C21orf91: variants seen among roughly 807,000 people sequenced by gnomAD.
C21orf91 encodes protein EURL homolog.
Under a neutral mutation model 32.9 loss-of-function variants are expected in C21orf91, and 26 were observed. The observed-to-expected ratio is 0.79, with a 90% CI of 0.58 to 1.10. The LOEUF (loss-of-function observed/expected upper bound fraction) is 1.10. Among genes scored for constraint, C21orf91 ranks in the 50% least tolerant of loss-of-function variants. C21orf91 has a pLI of 0.00. For missense variants in C21orf91, 310 were observed against 341.3 expected, an observed-to-expected ratio of 0.91 and a Z score of 0.72; for synonymous variants, 126 against 120.4, an observed-to-expected ratio of 1.05 and a Z score of -0.31.
chr21:17,819,274 G>A (rs550263304), intron 1 of C21orf91, 29 bp downstream of exon 1: 11 of 152,558 alleles, frequency 7.2e-5, no homozygotes, highest in Non-Finnish European at 1.6e-4. Context: ...GGCTCAGGTG[G>A]GATGGGAGCA....
At chr21:17,812,101 T>C (rs1284619121) in intron 2 of C21orf91, among the ~76,000 whole-genome samples, 1 of 152,140 alleles carries the variant, frequency 6.6e-6, no homozygotes, top group Admixed American at 6.5e-5. Flanking sequence ...GCTCCTCATA[T>C]ATGGGTTGTT....
chr21:17,803,022 CCAACCTTTACCTCAAA>C (rs1285016170), intron 2 of C21orf91, among the ~76,000 whole-genome samples: 1 of 152,164 alleles, frequency 6.6e-6, no homozygotes, highest in Non-Finnish European at 1.5e-5. Flanking sequence ...AGCAAGCACT[CCAACCTTTACCTCAAA>C]CTTAGAGCAG....
At chr21:17,815,426 G>T (rs1041579163) in intron 2 of C21orf91, among the ~76,000 whole-genome samples, 3 of 152,050 alleles carry the variant, frequency 2.0e-5, no homozygotes, top group African/African-American at 7.2e-5. Context: ...TTTTTAAAAA[G>T]CCCCTCTTAC....
chr21:17,813,741 C>T (rs938578039), intron 2 of C21orf91: 1 of 152,176 alleles, frequency 6.6e-6, no homozygotes, highest in Non-Finnish European at 1.5e-5. Context: ...CTGAAATGCT[C>T]CAATGAGCAT....
rs1383649335 is a variant in C21orf91 at position 17,791,971 on chromosome 21, TCAA to T, written c.*1441_*1443del. ...TCTTTGCTTAAATACTTTCTTGTGT[TCAA>T]CAACAAAATCTGACCCAAGCCAGGG... On this transcript the variant is annotated 3_prime_UTR_variant, in exon 5 of 5. Transcript: ENST00000284881. 1 of 152,168 alleles carries T rather than the reference TCAA, an allele frequency of 6.6e-6. No homozygotes were observed. The highest frequency in any genetic ancestry group is 1.5e-5 in the Non-Finnish European group (1 of 67,990). 9.4% of individuals were successfully genotyped at this position (152,168 alleles called of 1,614,324 possible). A position where few individuals can be genotyped will look rare whatever the true frequency, so the allele number is the denominator to read the frequency against.
chr21:17,817,273 G>T (rs114210349), intron 2 of C21orf91, among the ~76,000 whole-genome samples: 1 of 151,976 alleles, frequency 6.6e-6, no homozygotes, highest in African/African-American at 2.4e-5. Context: ...GAATTTCAAG[G>T]TATATAATCC....
At chr21:17,816,566 CT>C (rs2062666060) in intron 2 of C21orf91, among the ~76,000 whole-genome samples, 1 of 152,220 alleles carries the variant, frequency 6.6e-6, no homozygotes, top group African/African-American at 2.4e-5. Context: ...GACTGCCAGG[CT>C]TTAAAGTCCA....
At chr21:17,811,239 T>C (rs1261707839) in intron 2 of C21orf91, 3 of 152,186 alleles carry the variant, frequency 2.0e-5, no homozygotes, top group African/African-American at 4.8e-5. Flanking sequence ...TTCATCAAAC[T>C]GGGATAACAC....
rs1568747734 is a variant in C21orf91, at chr21:17,793,514, G to GC, written c.794dup (p.His266ProfsTer13). 1.2e-6 allele frequency: 2 copies of GC among 1,613,648 alleles called. No individual in the cohort carries two copies. On this transcript the variant is annotated frameshift_variant, in exon 5 of 5. Coordinates refer to ENST00000284881, the MANE Select transcript of C21orf91 (RefSeq NM_001100420.2). LOFTEE classifies it high-confidence loss of function. ...TCAGAAGCTGTTCGATGGCAACGTG[G>GC]CGGACATGGAGCTGTGAGGCCAAAG...
At chr21:17,793,650 A>C in intron 4 of C21orf91, 69 bp from the exon 5 acceptor site, 1 of 1,038,552 alleles carries the variant, frequency 9.6e-7, no homozygotes, top group Non-Finnish European at 1.4e-6. Flanking sequence ...TATTTCAAGA[A>C]CTCTAACTGA....
intron 2 of C21orf91, among the ~76,000 whole-genome samples, chr21:17,807,612 ATTG>A (rs1298266935): frequency 6.6e-6 from 1 of 152,210 alleles, no homozygotes. Context: ...CACTTGTTAA[ATTG>A]TTGTGCCTAA....
At chr21:17,801,263 A>G (rs2062557520) in intron 2 of C21orf91, among the ~76,000 whole-genome samples, 1 of 151,740 alleles carries the variant, frequency 6.6e-6, no homozygotes, top group Non-Finnish European at 1.5e-5. Context: ...ACAGAAAACC[A>G]AACACCGTAT....
intron 2 of C21orf91, 49 bp from the exon 3 acceptor site, chr21:17,797,167 T>A: frequency 8.5e-7 from 1 of 1,175,330 alleles, no homozygotes; most frequent in Non-Finnish European, 1.2e-6. Flanking sequence ...TTGTTTTCTA[T>A]AAGTCACTTT....
At position 17,818,715 on chromosome 21, in the gene C21orf91, G is replaced by T. The variant is rs189161836; in HGVS notation, c.-7-390C>A. On this transcript the variant is annotated intron_variant, in intron 1 of 4. Coordinates refer to ENST00000284881, the MANE Select transcript of C21orf91 (RefSeq NM_001100420.2). ...TCTGTCAACCTAGTTAACGCTGTGA[G>T]AAACAGGAAAAACGACCTGCACGGG... The T allele has an allele frequency of 2.5e-5, 4 of 160,724 alleles. No homozygotes were observed. The East Asian group carries it at 5.5e-4, about 22-fold the overall frequency. The allele number at this position is 160,724 out of a possible 1,614,324, so 10.0% of individuals were successfully genotyped here.
chr21:17,810,146 G>T (rs2062622959), intron 2 of C21orf91, among the ~76,000 whole-genome samples: 1 of 152,078 alleles, frequency 6.6e-6, no homozygotes, highest in African/African-American at 2.4e-5. Context: ...ACTTTACTTA[G>T]CTACTTTGAT....
At chr21:17,803,421 G>A (rs577700755) in intron 2 of C21orf91, among the ~76,000 whole-genome samples, 32 of 152,252 alleles carry the variant, frequency 2.1e-4, no homozygotes, top group Middle Eastern at 6.8e-3. Flanking sequence ...TTAGGTGGGA[G>A]GATCGCTTGG....
intron 2 of C21orf91, among the ~76,000 whole-genome samples, chr21:17,797,525 C>T (rs1488209189): frequency 6.6e-6 from 1 of 151,000 alleles, no homozygotes; most frequent in African/African-American, 2.4e-5. Flanking sequence ...AACAGAAATA[C>T]TGAACAAGTT....
chr21:17,794,869 T>A (rs768633996), intron 4 of C21orf91, among the ~76,000 whole-genome samples: 9 of 151,982 alleles, frequency 5.9e-5, no homozygotes, highest in East Asian at 1.9e-4. Flanking sequence ...GAGCTCGAGA[T>A]CAGCCTGGGC....
In C21orf91 at chr21:17,796,640, T is replaced by C. The variant is rs2062520044; in HGVS notation, c.606A>G (p.Thr202=). ...SHNQAQKKEE[T]ISSPEANVQT... Reference sequence around the variant, plus strand: ...GGACATTAGCCTCTGGACTAGAGATTGTCTCTTCTTTTTTCTGTGCCTGGT... The same window carrying C: ...GGACATTAGCCTCTGGACTAGAGATCGTCTCTTCTTTTTTCTGTGCCTGGT... The change falls in exon 3 of 5, where the codon ACA becomes ACG. Residue 202 remains threonine, a synonymous_variant. Coordinates refer to ENST00000284881, the MANE Select transcript of C21orf91 (RefSeq NM_001100420.2). 19 of 1,614,024 alleles carry C rather than the reference T, an allele frequency of 1.2e-5. No individual in the cohort carries two copies. Among genetic ancestry groups the C allele is most frequent in the Admixed American group, 1.7e-5 (1 of 60,020 alleles).
Sources: allele counts gnomAD v4.1 joint callset (sites outside exome capture counted in the v4.1 genomes callset), GRCh38; gene constraint gnomAD v4.1.1; transcripts MANE v1.5; gene names NCBI Gene and HGNC (gene_info 2026-07-23, HGNC 2026-07-21).